EXOC6B: variants seen among roughly 807,000 people sequenced by gnomAD.
EXOC6B encodes SEC15 homolog B.
Under a neutral mutation model 113.5 loss-of-function variants are expected in EXOC6B, and 54 were observed. The observed-to-expected ratio is 0.48, with a 90% CI of 0.38 to 0.60. The LOEUF is 0.60. Among genes scored for constraint, EXOC6B ranks in the 20% least tolerant of loss-of-function variants. The pLI is 0.00. For synonymous variants in EXOC6B, 357 were observed against 339.0 expected (o/e 1.05, Z -0.58); for missense variants, 797 against 977.5 (o/e 0.82, Z 2.46).
intron 1 of EXOC6B, among the ~76,000 whole-genome samples, chr2:72,824,932 T>C (rs1272065244): frequency 6.6e-6 from 1 of 152,188 alleles, no homozygotes; most frequent in Non-Finnish European, 1.5e-5. Context: ...TCTGTGACCT[T>C]GGGCAAGTCA....
At chr2:72,389,215 A>G (rs1276028287) in intron 18 of EXOC6B, among the ~76,000 whole-genome samples, 1 of 151,906 alleles carries the variant, frequency 6.6e-6, no homozygotes, top group African/African-American at 2.4e-5. Context: ...CTTAATAGTT[A>G]TATTTCCTTA....
intron 6 of EXOC6B, among the ~76,000 whole-genome samples, chr2:72,615,017 C>T (rs1260590212): frequency 6.6e-6 from 1 of 151,992 alleles, no homozygotes; most frequent in East Asian, 1.9e-4. Flanking sequence ...GAGAGGAATG[C>T]AAGGAAGCTT....
At chr2:72,776,393 T>C (rs1373513881) in intron 1 of EXOC6B, among the ~76,000 whole-genome samples, 2 of 152,072 alleles carry the variant, frequency 1.3e-5, no homozygotes, top group African/African-American at 2.4e-5. Flanking sequence ...AAGACGGGCA[T>C]ACTGTTTTAG....
chr2:72,551,953 A>G (rs1001238703), intron 8 of EXOC6B, among the ~76,000 whole-genome samples: 2 of 149,988 alleles, frequency 1.3e-5, no homozygotes, highest in African/African-American at 4.9e-5. Context: ...TGCTTCTCCA[A>G]ATTGATTTCA....
At chr2:72,672,333 A>G (rs1160304749) in intron 6 of EXOC6B, among the ~76,000 whole-genome samples, 1 of 152,100 alleles carries the variant, frequency 6.6e-6, no homozygotes, top group Non-Finnish European at 1.5e-5. Flanking sequence ...AAACAGATAA[A>G]GAAAAGCCGG....
At chr2:72,306,756 A>T (rs923878158) in intron 20 of EXOC6B, among the ~76,000 whole-genome samples, 2 of 152,202 alleles carry the variant, frequency 1.3e-5, no homozygotes, top group Non-Finnish European at 2.9e-5. Flanking sequence ...CTAAGTCTAC[A>T]CTTCCAAAAA....
intron 6 of EXOC6B, among the ~76,000 whole-genome samples, chr2:72,580,973 T>C (rs981231343): frequency 3.9e-5 from 6 of 152,194 alleles, no homozygotes; most frequent in Non-Finnish European, 7.3e-5. Flanking sequence ...TTTTCATTCC[T>C]CCTAACTCTT....
intron 6 of EXOC6B, among the ~76,000 whole-genome samples, chr2:72,693,288 T>G (rs1677632557): frequency 7.6e-6 from 1 of 131,186 alleles, no homozygotes; most frequent in Admixed American, 7.2e-5. Context: ...GGTTTGCAGG[T>G]TTTTTTTTTT....
intron 20 of EXOC6B, among the ~76,000 whole-genome samples, chr2:72,290,097 C>T (rs1558526173): frequency 6.6e-6 from 1 of 152,178 alleles, no homozygotes; most frequent in African/African-American, 2.4e-5. Flanking sequence ...TGGACTAGAA[C>T]TACACCATTG....
chr2:72,305,733 G>A (rs1235226477), intron 20 of EXOC6B, among the ~76,000 whole-genome samples: 29 of 151,234 alleles, frequency 1.9e-4, no homozygotes, highest in Non-Finnish European at 2.1e-4. Context: ...CTAATGTACT[G>A]TACCAAATCT....
rs1490102014 is a variant in EXOC6B at position 72,204,473 on chromosome 2, G to T, written c.2197-20286C>A. Among the ~76,000 whole-genome samples the T allele has an allele frequency of 2.6e-5, 4 of 151,756 alleles. 1 individual carries two copies. In the South Asian group the frequency reaches 8.3e-4, roughly 31 times the overall value. On this transcript the variant is annotated intron_variant, in intron 20 of 21. Transcript: ENST00000272427. Reference sequence around the variant, plus strand: ...TACAGTTGGCCAGGCCAAGATTAGCGTGAGCACAACATATGCCAAGTTCAT... The same window carrying T: ...TACAGTTGGCCAGGCCAAGATTAGCTTGAGCACAACATATGCCAAGTTCAT...
intron 20 of EXOC6B, among the ~76,000 whole-genome samples, chr2:72,205,046 T>C (rs961495556): frequency 5.9e-5 from 9 of 152,110 alleles, no homozygotes; most frequent in African/African-American, 2.2e-4. Flanking sequence ...CCTGCTCTGG[T>C]CCTTGCTCCT....
intron 6 of EXOC6B, among the ~76,000 whole-genome samples, chr2:72,678,709 C>T (rs1421625237): frequency 6.6e-6 from 1 of 151,860 alleles, no homozygotes; most frequent in African/African-American, 2.4e-5. Flanking sequence ...CTGTCTCCAA[C>T]AACAACAAAA....
chr2:72,370,554 C>T (rs141714296), intron 19 of EXOC6B, among the ~76,000 whole-genome samples: 30,239 of 152,108 alleles, frequency 0.2, 5,550 homozygotes, highest in African/African-American at 0.49. Context: ...TATAAAGACA[C>T]ATGCACATGT....
chr2:72,767,808 TAA>T (rs34358568), intron 1 of EXOC6B, among the ~76,000 whole-genome samples: 768 of 12,652 alleles, frequency 0.061, 42 homozygotes, highest in African/African-American at 0.089. Context: ...GAGACCTTGT[TAA>T]AAAAAAAAAA....
At chr2:72,325,789 T>C (rs561843652) in intron 20 of EXOC6B, among the ~76,000 whole-genome samples, 78 of 152,098 alleles carry the variant, frequency 5.1e-4, no homozygotes, top group African/African-American at 1.8e-3. Context: ...TCCCCTTTCA[T>C]AATCGGTCCT....
intron 6 of EXOC6B, among the ~76,000 whole-genome samples, chr2:72,626,878 G>T (rs949513343): frequency 6.6e-6 from 1 of 152,100 alleles, no homozygotes; most frequent in African/African-American, 2.4e-5. Flanking sequence ...GTCTTATGCT[G>T]TGGGCTAAAG....
At chr2:72,425,613 C>T (rs1695160258) in intron 18 of EXOC6B, among the ~76,000 whole-genome samples, 1 of 152,216 alleles carries the variant, frequency 6.6e-6, no homozygotes, top group African/African-American at 2.4e-5. Context: ...AACTTTTTGT[C>T]TCAGTTAACT....
At position 72,688,301 on chromosome 2, in the gene EXOC6B, G is replaced by A. The variant is rs116813404; in HGVS notation, c.669+29802C>T. ...AGTCCAAGAAATTTACTTAGGAGAG[G>A]ACCCCAGAAAGGATAAGTAGAGACA... On this transcript the variant is annotated intron_variant, in intron 6 of 21. Coordinates refer to ENST00000272427, the MANE Select transcript of EXOC6B (RefSeq NM_015189.3). 3.9e-3 allele frequency among the ~76,000 whole-genome samples: 591 copies of A among 152,280 alleles called. 9 individuals are homozygous for A. The highest frequency in any genetic ancestry group is 0.014 in the African/African-American group (576 of 41,556).
Sources: gnomAD v4.1 joint callset for allele counts (sites outside exome capture counted in the v4.1 genomes callset) on GRCh38, gnomAD v4.1.1 for gene constraint, MANE v1.5 for transcripts, NCBI Gene and HGNC (gene_info 2026-07-23, HGNC 2026-07-21) for gene names.